BCAR3: variants seen among roughly 807,000 people sequenced by gnomAD.
BCAR3 encodes breast cancer anti-estrogen resistance protein 3.
BCAR3 carries 37 observed loss-of-function variants against 80.1 expected under a neutral mutation model. That is an observed-to-expected ratio of 0.46 (90% confidence interval 0.36 to 0.61). The LOEUF (loss-of-function observed/expected upper bound fraction) is 0.61. Ranked by LOEUF, BCAR3 falls within the 20% of genes least tolerant of loss-of-function variation. The pLI is 0.00. For missense variants in BCAR3, 978 were observed against 1,068.2 expected (o/e 0.92, Z 1.18); for synonymous variants, 389 against 418.9 (o/e 0.93, Z 0.87).
Position 93,567,300 on chromosome 1 carries a change from T to A in BCAR3, c.2278A>T (p.Asn760Tyr), listed in dbSNP as rs773794690. The change falls in exon 11 of 12, where the codon AAT (asparagine) becomes TAT (tyrosine). Residue 760 changes from asparagine (N) to tyrosine (Y), a missense_variant. Physicochemically the swap from Asn to Tyr is moderately radical, Grantham distance 143. Transcript: ENST00000260502. ...MAEAADSYRM[N>Y]AERILAGFQP... ...TTACCTGCCAGGATCCTCTCAGCAT[T>A]CATCCGGTAGCTGTCTGCAGCCTCG... The A allele has an allele frequency of 6.2e-7, 1 of 1,614,106 alleles. No homozygotes were observed. Among genetic ancestry groups the A allele is most frequent in the Non-Finnish European group, 8.5e-7 (1 of 1,180,020 alleles).
intron 2 of BCAR3, among the ~76,000 whole-genome samples, chr1:93,648,415 G>C (rs1676213935): frequency 6.6e-6 from 1 of 152,120 alleles, no homozygotes; most frequent in Non-Finnish European, 1.5e-5. Flanking sequence ...AAATGAAAAG[G>C]GATGGTCTTC....
At chr1:93,574,091 A>C (rs1673342946) in intron 8 of BCAR3, among the ~76,000 whole-genome samples, 1 of 152,048 alleles carries the variant, frequency 6.6e-6, no homozygotes, top group East Asian at 1.9e-4. Context: ...ATGGCCCTCT[A>C]GTGTTGTATA....
chr1:93,753,540 G>T (rs1651636217), intron 2 of BCAR3: 1 of 129,554 alleles, frequency 7.7e-6, no homozygotes. Context: ...ATATGCACGC[G>T]GGTACACACA....
At chr1:93,845,621 C>T (rs1239857010) in exon 2 of BCAR3, 2 of 151,804 alleles carry the variant, frequency 1.3e-5, no homozygotes, top group Non-Finnish European at 2.9e-5. Flanking sequence ...CTAGATGTGC[C>T]AAGAATGCAA....
chr1:93,689,107 G>A (rs1340688357), intron 3 of BCAR3, among the ~76,000 whole-genome samples: 1 of 152,190 alleles, frequency 6.6e-6, no homozygotes, highest in African/African-American at 2.4e-5. Context: ...CATCCTAGCA[G>A]GGAACATGGC....
intron 3 of BCAR3, among the ~76,000 whole-genome samples, chr1:93,691,155 T>G (rs1571048372): frequency 6.6e-6 from 1 of 152,228 alleles, no homozygotes; most frequent in East Asian, 1.9e-4. Context: ...AGGTGAGACA[T>G]TCTAATTCCA....
chr1:93,678,973 T>C (rs1387181990), intron 1 of BCAR3, among the ~76,000 whole-genome samples: 4 of 152,182 alleles, frequency 2.6e-5, no homozygotes, highest in Non-Finnish European at 5.9e-5. Flanking sequence ...TCCCTAGTCA[T>C]TATATACTTC....
At chr1:93,636,826 G>A (rs1454232814) in intron 3 of BCAR3, among the ~76,000 whole-genome samples, 1 of 152,152 alleles carries the variant, frequency 6.6e-6, no homozygotes, top group African/African-American at 2.4e-5. Flanking sequence ...GCCCAGCATG[G>A]TGGCTCATAT....
chr1:93,613,074 A>T (rs923178559), intron 3 of BCAR3, among the ~76,000 whole-genome samples: 6 of 152,212 alleles, frequency 3.9e-5, no homozygotes, highest in Non-Finnish European at 8.8e-5. Context: ...GGTGGGAAGG[A>T]TTCCTTGAGA....
chr1:93,682,266 G>A (rs1036640796), upstream of BCAR3, among the ~76,000 whole-genome samples: 9 of 152,196 alleles, frequency 5.9e-5, no homozygotes, highest in African/African-American at 2.2e-4. Flanking sequence ...AAAGCAAAGT[G>A]CGAGTTGGCG....
intron 2 of BCAR3, among the ~76,000 whole-genome samples, chr1:93,746,097 C>A (rs1373447694): frequency 6.6e-6 from 1 of 152,206 alleles, no homozygotes; most frequent in Non-Finnish European, 1.5e-5. Flanking sequence ...TCCTTGTGCT[C>A]TACTGGGTAA....
chr1:93,726,916 G>A (rs11164968), intron 2 of BCAR3, among the ~76,000 whole-genome samples: 144,072 of 152,326 alleles, frequency 0.95, 68,224 homozygotes, highest in South Asian at 0.98. Context: ...ATCTTTCTAC[G>A]TGTTTATCAA....
chr1:93,697,658 G>C (rs1197080229), intron 3 of BCAR3, among the ~76,000 whole-genome samples: 1 of 152,188 alleles, frequency 6.6e-6, no homozygotes, highest in Non-Finnish European at 1.5e-5. Context: ...CTCTGACCCA[G>C]CCCTGGAATG....
intron 8 of BCAR3, 123 bp downstream of exon 8, chr1:93,575,891 G>A (rs1240538636): frequency 3.0e-5 from 22 of 721,526 alleles, no homozygotes; most frequent in East Asian, 1.6e-4. Flanking sequence ...TAGGCCATGC[G>A]CCCTGAAGTA....
At chr1:93,831,724 C>T (rs1163663847) in intron 2 of BCAR3, among the ~76,000 whole-genome samples, 1 of 152,102 alleles carries the variant, frequency 6.6e-6, no homozygotes, top group Non-Finnish European at 1.5e-5. Flanking sequence ...GCAGGCTGAG[C>T]CAGGTCCCAA....
chr1:93,808,866 C>G (rs2100800271), intron 2 of BCAR3, among the ~76,000 whole-genome samples: 1 of 152,266 alleles, frequency 6.6e-6, no homozygotes, highest in South Asian at 2.1e-4. Flanking sequence ...AAATGTAATC[C>G]TAGTTCACTA....
chr1:93,660,796 C>T (rs777843198), intron 2 of BCAR3, among the ~76,000 whole-genome samples: 20 of 152,264 alleles, frequency 1.3e-4, no homozygotes, highest in African/African-American at 4.3e-4. Context: ...CTTACTGCAA[C>T]CTCTGCCACC....
intron 2 of BCAR3, among the ~76,000 whole-genome samples, chr1:93,806,132 A>T (rs1653645728): frequency 1.3e-5 from 2 of 152,238 alleles, no homozygotes; most frequent in East Asian, 3.8e-4. Flanking sequence ...ATGTTAAAAC[A>T]AAAGGAAGGA....
Position 93,730,044 on chromosome 1 carries a change from C to A in BCAR3, c.-62-23902G>T, listed in dbSNP as rs867952387. 3.3e-5 allele frequency among the ~76,000 whole-genome samples: 5 copies of A among 152,328 alleles called. No homozygotes were observed. The South Asian group carries it at 1.0e-3, about 32-fold the overall frequency. ...ACAGGCTTATTTTAAGAAAGTAGAACTATTCCATATGACTAAATTATCATG... is the reference window on the plus strand; with the variant it reads ...ACAGGCTTATTTTAAGAAAGTAGAAATATTCCATATGACTAAATTATCATG... On this transcript the variant is annotated intron_variant, in intron 2 of 13. Coordinates refer to the BCAR3 transcript ENST00000370244.
Sources: allele counts gnomAD v4.1 joint callset (sites outside exome capture counted in the v4.1 genomes callset), GRCh38; gene constraint gnomAD v4.1.1; transcripts MANE v1.5; gene names NCBI Gene and HGNC (gene_info 2026-07-23, HGNC 2026-07-21).